The following HNRNPA3 variants were observed in gnomAD, a reference collection of about 807,000 sequenced individuals.
HNRNPA3 encodes heterogeneous nuclear ribonucleoprotein A3, also known as epididymis secretory sperm binding protein.
HNRNPA3 carries 3 observed loss-of-function variants against 45.8 expected under a neutral mutation model. The observed-to-expected ratio is 0.07, with a 90% CI of 0.03 to 0.17. HNRNPA3 has a LOEUF of 0.17. Ranked by LOEUF, HNRNPA3 falls within the 10% of genes least tolerant of loss-of-function variation. The probability of loss-of-function intolerance (pLI) is 1.00; values close to 1 mark genes in which losing one functional copy is unlikely to be tolerated. For synonymous variants in HNRNPA3, 170 were observed against 155.6 expected, an observed-to-expected ratio of 1.09 and a Z score of -0.69; for missense variants, 183 against 480.3, an observed-to-expected ratio of 0.38 and a Z score of 5.79.
chr2:177,213,502 CTT>C (rs1172523363), intron 1 of HNRNPA3, among the ~76,000 whole-genome samples: 1 of 152,196 alleles, frequency 6.6e-6, no homozygotes, highest in African/African-American at 2.4e-5. Flanking sequence ...TTGGCCTTTT[CTT>C]TTTTTCGCAG....
At chr2:177,212,817 G>A (rs779368838) in exon 1 of HNRNPA3, 46 of 1,564,434 alleles carry the variant, frequency 2.9e-5, no homozygotes, top group African/African-American at 4.2e-5. Flanking sequence ...TAAAACCGCC[G>A]CCCGGTCGCC....
chr2:177,215,396 T>C, intron 1 of HNRNPA3, 143 bp from the exon 2 acceptor site: 8 of 841,926 alleles, frequency 9.5e-6, no homozygotes, highest in Non-Finnish European at 1.3e-5. Context: ...CGCCGGTGTC[T>C]GGTCAAAGTT....
chr2:177,222,675 A>C (rs1277049237), downstream of HNRNPA3: 1 of 152,252 alleles, frequency 6.6e-6, no homozygotes, highest in Admixed American at 6.5e-5. Flanking sequence ...TTGGTGATAC[A>C]CATCTGTAGT....
At position 177,218,052 on chromosome 2, in the gene HNRNPA3, C is replaced by CTT. The variant is rs58476089; in HGVS notation, c.961+233_961+234dup. On this transcript the variant is annotated intron_variant, in intron 8 of 10. Coordinates refer to ENST00000392524, the Ensembl canonical transcript of HNRNPA3. ...ACAAATGTACTCAGCTCTCTTTTTT[C>CTT]TTTTTTTTTTTTTTTTTTTTTTTTT... 6.1e-3 allele frequency among the ~76,000 whole-genome samples: 620 copies of CTT among 102,084 alleles called. 38 individuals carry two copies. Among genetic ancestry groups the CTT allele is most frequent in the East Asian group, 0.025 (95 of 3,746 alleles). 67.0% of individuals were successfully genotyped at this position (102,084 alleles called of 152,430 possible).
intron 8 of HNRNPA3, among the ~76,000 whole-genome samples, chr2:177,218,088 GTCT>G (rs1210603717): frequency 8.9e-6 from 1 of 112,338 alleles, no homozygotes; most frequent in East Asian, 2.5e-4. Flanking sequence ...TTGAGATGGA[GTCT>G]TGCTCTGTTG....
chr2:177,215,194 C>G (rs539266305), intron 1 of HNRNPA3, among the ~76,000 whole-genome samples: 2 of 152,044 alleles, frequency 1.3e-5, no homozygotes, highest in African/African-American at 4.8e-5. Context: ...CCTCCGCCTC[C>G]TGGGTTTAAG....
At position 177,219,201 on chromosome 2, in the gene HNRNPA3, T is replaced by G. The variant is rs756985153; in HGVS notation, c.1084+42T>G. ...ATCAATTCTTTAGAGCCTTTTTAATTTAAAAAATGTGCATACTTCTTTTAA... is the reference window on the plus strand; with the variant it reads ...ATCAATTCTTTAGAGCCTTTTTAATGTAAAAAATGTGCATACTTCTTTTAA... On this transcript the variant is annotated intron_variant, in intron 9 of 10. Transcript: ENST00000392524. The G allele has an allele frequency of 1.9e-6, 3 of 1,609,904 alleles. No homozygotes were observed. The Admixed American group carries it at 5.1e-5, about 27-fold the overall frequency.
exon 6 of HNRNPA3, chr2:177,216,711 G>A (rs1688955294): frequency 6.2e-7 from 1 of 1,614,086 alleles, no homozygotes; most frequent in African/African-American, 1.3e-5. Context: ...TATGGGTCGC[G>A]GAGGGAACTT....
chr2:177,215,952 G>T, intron 3 of HNRNPA3, 26 bp from the exon 4 acceptor site: 1 of 1,596,928 alleles, frequency 6.3e-7, no homozygotes, highest in South Asian at 1.1e-5. Context: ...TTTGTTTCTT[G>T]ACTTAATATA....
At chr2:177,223,278 T>A (rs755759959), downstream of HNRNPA3, 2 of 152,304 alleles carry the variant, frequency 1.3e-5, no homozygotes, top group East Asian at 3.9e-4. Flanking sequence ...GCAAACATTT[T>A]TTTTTTAAGG....
chr2:177,214,566 CG>C, intron 1 of HNRNPA3, among the ~76,000 whole-genome samples: 1 of 152,248 alleles, frequency 6.6e-6, no homozygotes, highest in East Asian at 1.9e-4. Context: ...GAGGCCGAGG[CG>C]GGCGGATCAC....
At chr2:177,213,304 G>T (rs994009467) in intron 1 of HNRNPA3, among the ~76,000 whole-genome samples, 3 of 152,202 alleles carry the variant, frequency 2.0e-5, no homozygotes, top group Non-Finnish European at 4.4e-5. Context: ...TGGCGCATTG[G>T]CCCGCAATGG....
At chr2:177,222,315 A>G (rs1689214783), downstream of HNRNPA3, 5 of 152,226 alleles carry the variant, frequency 3.3e-5, no homozygotes, top group Admixed American at 3.3e-4. Flanking sequence ...TCCCCTGCGA[A>G]ATAGCCATAA....
At chr2:177,216,393 A>G in intron 4 of HNRNPA3, 110 bp from the exon 5 acceptor site, 1 of 794,592 alleles carries the variant, frequency 1.3e-6, no homozygotes, top group Non-Finnish European at 2.0e-6. Flanking sequence ...TACCAGAGTC[A>G]CTACCTGATT....
chr2:177,215,827 A>G (rs1482044020), exon 3 of HNRNPA3: 3 of 1,610,558 alleles, frequency 1.9e-6, no homozygotes, highest in African/African-American at 2.7e-5. Context: ...AGGTGGATGC[A>G]GCAATGTGTG....
downstream of HNRNPA3, chr2:177,220,844 C>T (rs982124227): frequency 6.6e-6 from 1 of 152,042 alleles, no homozygotes; most frequent in African/African-American, 2.4e-5. Flanking sequence ...TAATATAAAC[C>T]AATGTCTACT....
chr2:177,216,334 A>G, intron 4 of HNRNPA3, 146 bp downstream of exon 4: 1 of 722,074 alleles, frequency 1.4e-6, no homozygotes, highest in African/African-American at 1.8e-5. Context: ...CTGTGTAATC[A>G]GTATCCAGAT....
In HNRNPA3 at chr2:177,216,782, T is replaced by C; in HGVS notation, c.739+11T>C. 1 of 1,614,182 alleles carries C rather than the reference T, an allele frequency of 6.2e-7. No homozygotes were observed. The highest frequency in any genetic ancestry group is 8.5e-7 in the Non-Finnish European group (1 of 1,180,012). On this transcript the variant is annotated intron_variant, in intron 6 of 10. Coordinates refer to ENST00000392524, the Ensembl canonical transcript of HNRNPA3. ...ACTTTGGTGGAAGAGGTAGGCTGTT[T>C]ATCTTCTAAGTACATGGATACCTGA...
intron 1 of HNRNPA3, among the ~76,000 whole-genome samples, chr2:177,213,280 G>C (rs1240084793): frequency 6.6e-6 from 1 of 152,220 alleles, no homozygotes; most frequent in African/African-American, 2.4e-5. Flanking sequence ...TTGATCCGCC[G>C]CCGCGTTACG....
Sources: gnomAD v4.1 joint callset for allele counts (sites outside exome capture counted in the v4.1 genomes callset) on GRCh38, gnomAD v4.1.1 for gene constraint, MANE v1.5 for transcripts, NCBI Gene and HGNC (gene_info 2026-07-23, HGNC 2026-07-21) for gene names.